The following METTL8 variants were observed in gnomAD, a reference collection of about 807,000 sequenced individuals.
METTL8 encodes tRNA N(3)-cytidine methyltransferase METTL8, mitochondrial.
METTL8 carries 32 observed loss-of-function variants against 48.7 expected under a neutral mutation model. The observed-to-expected ratio is 0.66, with a 90% confidence interval of 0.50 to 0.88. METTL8 has a LOEUF of 0.88. Ranked by LOEUF, METTL8 falls within the 40% of genes least tolerant of loss-of-function variation. The probability of loss-of-function intolerance (pLI) is 0.00; values close to 1 mark genes in which losing one functional copy is unlikely to be tolerated. For synonymous variants in METTL8, 136 were observed against 157.1 expected (o/e 0.87, Z 1.01); for missense variants, 464 against 474.4 (o/e 0.98, Z 0.20).
intron 7 of METTL8, among the ~76,000 whole-genome samples, chr2:171,329,867 T>A (rs185709567): frequency 3.3e-5 from 5 of 152,350 alleles, no homozygotes; most frequent in African/African-American, 1.2e-4. Flanking sequence ...ACAGACCTGG[T>A]ACTTACCATA....
intron 1 of METTL8, among the ~76,000 whole-genome samples, chr2:171,429,570 C>T (rs766588232): frequency 2.0e-5 from 3 of 151,822 alleles, no homozygotes; most frequent in Non-Finnish European, 4.4e-5. Context: ...TGTAAATGTT[C>T]GGGTGTTATC....
At chr2:171,334,987 T>C (rs568175056) in intron 5 of METTL8, among the ~76,000 whole-genome samples, 2 of 152,326 alleles carry the variant, frequency 1.3e-5, no homozygotes, top group South Asian at 4.1e-4. Context: ...AAATAATACC[T>C]TGAGATCAGT....
intron 3 of METTL8, among the ~76,000 whole-genome samples, chr2:171,349,315 T>A (rs904817476): frequency 2.6e-5 from 4 of 152,198 alleles, no homozygotes; most frequent in Non-Finnish European, 4.4e-5. Context: ...TCCTAAATTT[T>A]CTTAATATTT....
chr2:171,369,322 C>A (rs527424432), intron 2 of METTL8, among the ~76,000 whole-genome samples: 39 of 151,970 alleles, frequency 2.6e-4, no homozygotes, highest in East Asian at 1.7e-3. Flanking sequence ...ACAACAACAA[C>A]AAAAAAACTC....
chr2:171,369,487 T>C lies in METTL8; in HGVS notation c.144-8974A>G, dbSNP rs566175396. On this transcript the variant is annotated intron_variant, in intron 2 of 9. Transcript: ENST00000375258. ...ACTCTTTGCATTACACTTTTGGGAA[T>C]ATACATTTACATTAAAATATGTCAT... is the stretch of plus-strand genomic sequence containing the variant. Among the ~76,000 whole-genome samples the C allele has an allele frequency of 5.9e-5, 9 of 152,372 alleles. No homozygotes were observed. In the South Asian group the frequency reaches 1.7e-3, roughly 28 times the overall value.
chr2:171,410,081 G>A (rs1437869707), intron 1 of METTL8, among the ~76,000 whole-genome samples: 1 of 152,172 alleles, frequency 6.6e-6, no homozygotes, highest in African/African-American at 2.4e-5. Flanking sequence ...GAATAATTGA[G>A]AATATTAATT....
At chr2:171,384,623 A>T (rs1228953854) in intron 2 of METTL8, among the ~76,000 whole-genome samples, 1 of 152,144 alleles carries the variant, frequency 6.6e-6, no homozygotes, top group African/African-American at 2.4e-5. Flanking sequence ...TCAGCCTAGG[A>T]GTTCCAGACC....
upstream of METTL8, chr2:171,434,541 G>C: frequency 6.6e-7 from 1 of 1,523,616 alleles, no homozygotes; most frequent in South Asian, 1.2e-5. Context: ...CGCGCCACTC[G>C]GCGGCCCAGC....
chr2:171,406,668 G>A (rs1429342569), intron 1 of METTL8, among the ~76,000 whole-genome samples: 2 of 152,152 alleles, frequency 1.3e-5, no homozygotes, highest in South Asian at 2.1e-4. Context: ...AAGTCACATT[G>A]TGGGGTAGGC....
chr2:171,387,423 A>G (rs951878952), intron 2 of METTL8, among the ~76,000 whole-genome samples: 1 of 152,026 alleles, frequency 6.6e-6, no homozygotes, highest in African/African-American at 2.4e-5. Flanking sequence ...CCAGATACTC[A>G]GGAGGCTGAG....
At chr2:171,343,970 A>T (rs758880910) in intron 3 of METTL8, among the ~76,000 whole-genome samples, 2 of 152,228 alleles carry the variant, frequency 1.3e-5, no homozygotes, top group Non-Finnish European at 2.9e-5. Context: ...TCAAGCATCT[A>T]AATTCAACTC....
At chr2:171,332,852 G>A (rs1324220506) in intron 5 of METTL8, 1 of 152,200 alleles carries the variant, frequency 6.6e-6, no homozygotes, top group Non-Finnish European at 1.5e-5. Context: ...AGGGGAAATG[G>A]TTGAAGAGTT....
intron 2 of METTL8, among the ~76,000 whole-genome samples, chr2:171,366,951 A>G (rs1039313274): frequency 1.3e-5 from 2 of 151,912 alleles, no homozygotes; most frequent in Non-Finnish European, 2.9e-5. Flanking sequence ...AGAATGGGTC[A>G]GTAAACTTAA....
intron 1 of METTL8, among the ~76,000 whole-genome samples, chr2:171,417,402 T>G (rs1574215425): frequency 6.6e-6 from 1 of 152,176 alleles, no homozygotes; most frequent in South Asian, 2.1e-4. Context: ...AAAGTAGTAA[T>G]AATAAATAGA....
At chr2:171,363,792 TTATATATA>T (rs200347847) in intron 2 of METTL8, among the ~76,000 whole-genome samples, 5 of 97,436 alleles carry the variant, frequency 5.1e-5, no homozygotes, top group Non-Finnish European at 8.3e-5. Context: ...TCCCCAAATT[TTATATATA>T]TATATATATA....
At chr2:171,401,069 G>A (rs1002070344) in intron 1 of METTL8, among the ~76,000 whole-genome samples, 2 of 151,920 alleles carry the variant, frequency 1.3e-5, no homozygotes, top group East Asian at 3.9e-4. Flanking sequence ...TTAGTGAGAC[G>A]TTCATGTTTT....
chr2:171,339,169 C>T lies in METTL8; in HGVS notation c.606+15G>A. 1.4e-6 allele frequency: 2 copies of T among 1,432,376 alleles called. No homozygotes were observed. The highest frequency in any genetic ancestry group is 9.2e-7 in the Non-Finnish European group (1 of 1,084,600). 88.7% of individuals were successfully genotyped at this position (1,432,376 alleles called of 1,614,324 possible). ...TTATTTGTCACCTCCCATTTTTGTC[C>T]CTTGAGCACAATACCTCTAGTATCC... On this transcript the variant is annotated intron_variant, in intron 4 of 9. Coordinates refer to ENST00000375258, the MANE Select transcript of METTL8 (RefSeq NM_001321154.2).
At chr2:171,375,277 A>T in intron 2 of METTL8, 1 of 896,432 alleles carries the variant, frequency 1.1e-6, no homozygotes, top group East Asian at 2.4e-5. Context: ...TTTCTTTGTC[A>T]TCTTGGAGGC....
At chr2:171,360,625 A>G (rs1685064885) in intron 2 of METTL8, 112 bp from the exon 3 acceptor site, 2 of 828,456 alleles carry the variant, frequency 2.4e-6, no homozygotes, top group Admixed American at 5.4e-5. Flanking sequence ...TATGATACAG[A>G]CTAATTCCAC....
Sources: gnomAD v4.1 joint callset for allele counts (sites outside exome capture counted in the v4.1 genomes callset) on GRCh38, gnomAD v4.1.1 for gene constraint, MANE v1.5 for transcripts, NCBI Gene and HGNC (gene_info 2026-07-23, HGNC 2026-07-21) for gene names.